Variants in SEPTIN2 observed in about 807,000 individuals in gnomAD.
The protein encoded by SEPTIN2 is septin-2.
In SEPTIN2, 34 loss-of-function variants were observed where a neutral mutation model predicts 46.5. That is an observed-to-expected ratio of 0.73 (90% CI 0.56 to 0.97). The LOEUF (loss-of-function observed/expected upper bound fraction) is 0.97, where lower values mean the gene tolerates loss of function less well. Among genes scored for constraint, SEPTIN2 ranks in the 50% least tolerant of loss-of-function variants. SEPTIN2 has a pLI of 0.00. For synonymous variants in SEPTIN2, 175 were observed against 153.4 expected (o/e 1.14, Z -1.04); for missense variants, 347 against 448.4 (o/e 0.77, Z 2.04).
At chr2:241,335,063 C>T (rs2079709020) in intron 3 of SEPTIN2, 63 bp from the exon 4 acceptor site, 1 of 1,186,352 alleles carries the variant, frequency 8.4e-7, no homozygotes, top group African/African-American at 1.5e-5. Context: ...TATGTAAACA[C>T]TTAACCGATT....
intron 1 of SEPTIN2, among the ~76,000 whole-genome samples, chr2:241,323,722 TGGTGATTAGCGCTCCCAG>T (rs1372528225): frequency 3.9e-5 from 6 of 152,200 alleles, no homozygotes; most frequent in Non-Finnish European, 8.8e-5. Flanking sequence ...CACCAAAGAA[TGGTGATTAGCGCTCCCAG>T]GGTGGGGAAA....
chr2:241,349,384 AT>A (rs1220491084), intron 11 of SEPTIN2, among the ~76,000 whole-genome samples: 10 of 88,714 alleles, frequency 1.1e-4, no homozygotes, highest in South Asian at 8.1e-4. Flanking sequence ...AAAAAAAAAA[AT>A]ATATATATAT....
intron 1 of SEPTIN2, among the ~76,000 whole-genome samples, chr2:241,321,186 GTTC>G (rs1436742950): frequency 1.3e-5 from 2 of 152,010 alleles, no homozygotes; most frequent in Non-Finnish European, 2.9e-5. Flanking sequence ...GTATTACTCA[GTTC>G]TTCTCTGTCC....
intron 2 of SEPTIN2, chr2:241,324,843 G>C (rs1167264670): frequency 6.6e-6 from 1 of 152,434 alleles, no homozygotes; most frequent in African/African-American, 2.4e-5. Flanking sequence ...AATTGATGGG[G>C]CTCTTAGACT....
At chr2:241,321,220 G>C (rs945300941) in intron 1 of SEPTIN2, among the ~76,000 whole-genome samples, 1 of 151,934 alleles carries the variant, frequency 6.6e-6, no homozygotes, top group Non-Finnish European at 1.5e-5. Context: ...TGTGTTTACT[G>C]AATCTGTCCG....
chr2:241,324,268 G>A (rs2077581957), intron 2 of SEPTIN2, 27 bp downstream of exon 2: 2 of 1,593,964 alleles, frequency 1.3e-6, no homozygotes, highest in Non-Finnish European at 1.7e-6. Context: ...TGTATCTACA[G>A]CATAAGGAGA....
intron 7 of SEPTIN2, among the ~76,000 whole-genome samples, chr2:241,340,362 G>A (rs969976632): frequency 5.3e-5 from 8 of 152,048 alleles, no homozygotes; most frequent in Admixed American, 6.6e-5. Flanking sequence ...TGACTATCAC[G>A]TTGCAGATGA....
intron 1 of SEPTIN2, chr2:241,316,398 T>TTAGAGCTTGTGTGGCCATCTTGTCTTTCA: frequency 1.1e-6 from 1 of 937,898 alleles, no homozygotes; most frequent in Non-Finnish European, 1.5e-6. Context: ...CTTGTCTTTC[T>TTAGAGCTTGTGTGGCCATCTTGTCTTTCA]AACGGTGCCA....
Position 241,350,097 on chromosome 2 carries a change from G to T in SEPTIN2, c.1009G>T (p.Ala337Ser). Residue 337 changes from alanine (A) to serine (S), a missense_variant, in exon 12 of 13, where the codon GCA (alanine) becomes TCA (serine). Ala to Ser is a moderately conservative substitution (Grantham distance 99). Transcript: ENST00000391971. ...AELRRMQEMI[A>S]RMQAQMQMQM... ...GCTCCGCCGCATGCAAGAGATGATT[G>T]CAAGGATGCAGGCGCAGATGCAGAT... 2 of 1,614,176 alleles carry T rather than the reference G, an allele frequency of 1.2e-6. No homozygotes were observed. The highest frequency in any genetic ancestry group is 1.7e-6 in the Non-Finnish European group (2 of 1,179,988).
intron 7 of SEPTIN2, among the ~76,000 whole-genome samples, chr2:241,338,720 TATATTATA>T (rs2080552580): frequency 9.1e-6 from 1 of 110,042 alleles, no homozygotes; most frequent in Admixed American, 1.5e-4. Context: ...ATTTATATAA[TATATTATA>T]TATATTATAT....
intron 9 of SEPTIN2, 77 bp from the exon 10 acceptor site, chr2:241,346,089 A>T: frequency 1.0e-6 from 1 of 967,864 alleles, no homozygotes; most frequent in South Asian, 1.4e-5. Flanking sequence ...TCTTCTATGT[A>T]CTTGATGGGT....
At chr2:241,345,437 GACTTT>G (rs66515651) in intron 9 of SEPTIN2, among the ~76,000 whole-genome samples, 28,863 of 151,972 alleles carry the variant, frequency 0.19, 3,037 homozygotes, top group Middle Eastern at 0.34. Context: ...AGGGTTTGGG[GACTTT>G]ACTTTAGTGT....
intron 7 of SEPTIN2, among the ~76,000 whole-genome samples, chr2:241,340,503 A>G (rs989882727): frequency 7.9e-5 from 12 of 152,100 alleles, no homozygotes; most frequent in African/African-American, 2.7e-4. Flanking sequence ...AGTTTTTTAG[A>G]AAGTATTTGA....
rs1034750904 is a variant in SEPTIN2 at position 241,351,977 on chromosome 2, C to G, written c.*40C>G. On this transcript the variant is annotated 3_prime_UTR_variant, in exon 13 of 13. Coordinates refer to ENST00000391971, the MANE Select transcript of SEPTIN2 (RefSeq NM_004404.5). ...TTTTCTTTTTTCTAGAAAACACTTT[C>G]CTGGATAAAAAAGAAAACATTCCAG... The G allele has an allele frequency of 6.6e-6, 1 of 152,614 alleles. No individual in the cohort carries two copies. The highest frequency in any genetic ancestry group is 1.5e-5 in the Non-Finnish European group (1 of 68,030). 9.5% of individuals were successfully genotyped at this position (152,614 alleles called of 1,614,324 possible).
intron 3 of SEPTIN2, among the ~76,000 whole-genome samples, 178 bp downstream of exon 3, chr2:241,326,291 T>A (rs2077954131): frequency 6.6e-6 from 1 of 152,190 alleles, no homozygotes; most frequent in South Asian, 2.1e-4. Context: ...GCAAAATTAT[T>A]TTTCTGTCAC....
At chr2:241,344,635 A>G (rs1293852873) in intron 9 of SEPTIN2, among the ~76,000 whole-genome samples, 1 of 152,186 alleles carries the variant, frequency 6.6e-6, no homozygotes, top group African/African-American at 2.4e-5. Context: ...ACCAGGAGGC[A>G]GAGGTTGCAG....
At chr2:241,338,649 T>C (rs548088675) in intron 7 of SEPTIN2, among the ~76,000 whole-genome samples, 1,971 of 128,568 alleles carry the variant, frequency 0.015, 36 homozygotes, top group African/African-American at 0.04. Context: ...TAATATATAT[T>C]ACATATATAT....
At chr2:241,344,038 G>A in intron 9 of SEPTIN2, 141 bp downstream of exon 9, 1 of 1,043,358 alleles carries the variant, frequency 9.6e-7, no homozygotes, top group Non-Finnish European at 1.4e-6. Flanking sequence ...CGCAGAAGTG[G>A]TGTGGGGCTG....
intron 3 of SEPTIN2, among the ~76,000 whole-genome samples, chr2:241,328,277 A>C (rs541631368): frequency 6.6e-6 from 1 of 152,158 alleles, no homozygotes; most frequent in African/African-American, 2.4e-5. Context: ...TCTACTAAAA[A>C]TACAAAAACC....
Sources: gnomAD v4.1 joint callset for allele counts (sites outside exome capture counted in the v4.1 genomes callset) on GRCh38, gnomAD v4.1.1 for gene constraint, MANE v1.5 for transcripts, NCBI Gene and HGNC (gene_info 2026-07-23, HGNC 2026-07-21) for gene names.